The following RSAD1 variants were observed in gnomAD, a reference collection of about 807,000 sequenced individuals.
RSAD1 encodes radical S-adenosyl methionine domain containing 1.
RSAD1 carries 34 observed loss-of-function variants against 46.2 expected under a neutral mutation model. The ratio of observed to expected loss-of-function variants is 0.74; its 90% confidence interval spans 0.56 to 0.98. RSAD1 has a LOEUF of 0.98. RSAD1 is among the 50% of genes least tolerant of loss of function. The pLI is 0.00. For missense variants in RSAD1, 635 were observed against 592.3 expected (o/e 1.07, Z -0.75); for synonymous variants, 260 against 253.5 (o/e 1.03, Z -0.24).
In RSAD1 at chr17:50,478,875, G is replaced by T; in HGVS notation, c.-10G>T. ...TGCTCGGGTCAGTGCGCCGCGCTGCGCTGGGCGCCATGGCGCTCCCCGGAG... is the reference window on the plus strand; with the variant it reads ...TGCTCGGGTCAGTGCGCCGCGCTGCTCTGGGCGCCATGGCGCTCCCCGGAG... On this transcript the variant is annotated 5_prime_UTR_variant, in exon 1 of 9. Transcript: ENST00000258955. 1 of 1,293,014 alleles carries T rather than the reference G, an allele frequency of 7.7e-7. No homozygotes were observed. Among genetic ancestry groups the T allele is most frequent in the Admixed American group, 4.2e-5 (1 of 23,702 alleles). The allele number at this position is 1,293,014 out of a possible 1,614,324, so 80.1% of individuals were successfully genotyped here. A position where few individuals can be genotyped will look rare whatever the true frequency, so the allele number is the denominator to read the frequency against.
intron 8 of RSAD1, 91 bp downstream of exon 8, chr17:50,484,636 C>A: frequency 6.6e-7 from 1 of 1,526,476 alleles, no homozygotes; most frequent in Non-Finnish European, 9.1e-7. Context: ...GTGAGAAAGA[C>A]TGACTGGTAA....
intron 1 of RSAD1, 44 bp from the exon 2 acceptor site, chr17:50,479,585 G>A (rs2143830778): frequency 8.7e-6 from 14 of 1,611,078 alleles, no homozygotes; most frequent in South Asian, 1.1e-5. Flanking sequence ...CCCTGGAAGT[G>A]GCCAGGGCAG....
At chr17:50,479,052 G>A in intron 1 of RSAD1, 33 bp downstream of exon 1, 1 of 1,312,292 alleles carries the variant, frequency 7.6e-7, no homozygotes, top group Non-Finnish European at 9.7e-7. Flanking sequence ...CCCACGGTGT[G>A]TGGCCGCAGC....
chr17:50,484,415 C>G, intron 7 of RSAD1, 27 bp from the exon 8 acceptor site: 1 of 1,607,068 alleles, frequency 6.2e-7, no homozygotes, highest in Non-Finnish European at 8.5e-7. Flanking sequence ...GGCCAGCTCC[C>G]CACCTCTGAC....
rs199949386 is a variant in RSAD1 at position 50,479,015 on chromosome 17, T to A, written c.131T>A (p.Val44Glu). ...EPAGRRAALYVHWPYCEKRCS... is the reference protein window; with the variant it reads ...EPAGRRAALYEHWPYCEKRCS... ...GCGGGCCGGCGCGCGGCGCTTTACG[T>A]ACACGTGAGTAGGGGCGGGGGCGGA... Residue 44 changes from valine (V) to glutamate (E), a missense_variant, in exon 1 of 9, where the codon GTA (valine) becomes GAA (glutamate). Transcript: ENST00000258955. The A allele has an allele frequency of 8.1e-5, 110 of 1,355,532 alleles. No homozygotes were observed. The highest frequency in any genetic ancestry group is 4.7e-6 in the Non-Finnish European group (5 of 1,060,872). The allele number at this position is 1,355,532 out of a possible 1,614,324, so 84.0% of individuals were successfully genotyped here.
rs1337805265 is a variant in RSAD1 at position 50,479,914 on chromosome 17, A to G, written c.304A>G (p.Ser102Gly). ...ESVFFGGGTP[S>G]LASPHTVAAV... Reference sequence around the variant, plus strand: ...TGTGTTCTTTGGTGGGGGGACCCCCAGTCTAGCCAGTCCCCACACGGTGGC... The same window carrying G: ...TGTGTTCTTTGGTGGGGGGACCCCCGGTCTAGCCAGTCCCCACACGGTGGC... Residue 102 changes from serine to glycine, a missense_variant, in exon 3 of 9, where the codon AGT (serine) becomes GGT (glycine). Physicochemically the swap from Ser to Gly is moderately conservative, Grantham distance 56. Transcript: ENST00000258955. 6.2e-7 allele frequency: 1 copy of G among 1,614,042 alleles called. No individual in the cohort carries two copies. Among genetic ancestry groups the G allele is most frequent in the South Asian group, 1.1e-5 (1 of 91,090 alleles).
intron 1 of RSAD1, 98 bp downstream of exon 1, chr17:50,479,117 A>G: frequency 8.2e-7 from 1 of 1,218,092 alleles, no homozygotes; most frequent in South Asian, 3.1e-5. Context: ...CACTCTATGA[A>G]CCCGCCTGCC....
Position 50,482,674 on chromosome 17 carries a change from G to A in RSAD1, c.872G>A (p.Trp291Ter). 5 of 1,614,188 alleles carry A rather than the reference G, an allele frequency of 3.1e-6. No homozygotes were observed. The highest frequency in any genetic ancestry group is 4.2e-6 in the Non-Finnish European group (5 of 1,180,028). ...CTCAGTACCCACAATTGGACTTACT[G>A]GCAGTGTGGTCAGTACCTTGGCGTT... ...GALSTHNWTY[W>*]QCGQYLGVGP... The change falls in exon 5 of 9, where the codon TGG becomes TAG. Residue 291 changes from tryptophan to a stop codon, truncating the protein, a stop_gained. Transcript: ENST00000258955. LOFTEE classifies it high-confidence loss of function.
rs1272681017 is a variant in RSAD1, at chr17:50,484,426, C to T, written c.1108-16C>T. The T allele has an allele frequency of 1.9e-6, 3 of 1,611,760 alleles. No individual in the cohort carries two copies. Among genetic ancestry groups the T allele is most frequent in the Non-Finnish European group, 2.5e-6 (3 of 1,178,972 alleles). Reference sequence around the variant, plus strand: ...GCCAGGCCAGCTCCCCACCTCTGACCCTCTGGCTTCCCCAGCACTGGCAGC... The same window carrying T: ...GCCAGGCCAGCTCCCCACCTCTGACTCTCTGGCTTCCCCAGCACTGGCAGC... On this transcript the variant is annotated splice_polypyrimidine_tract_variant and intron_variant, in intron 7 of 8. Coordinates refer to ENST00000258955, the MANE Select transcript of RSAD1 (RefSeq NM_018346.3).
intron 5 of RSAD1, among the ~76,000 whole-genome samples, chr17:50,482,975 A>G (rs1016903735): frequency 1.3e-5 from 2 of 151,754 alleles, no homozygotes; most frequent in African/African-American, 2.4e-5. Flanking sequence ...AGAATTCCCA[A>G]TTGGACAGGG....
rs1598445753 is a variant in RSAD1, at chr17:50,485,200, G to A, written c.*339G>A. ...ACAGGCAATTACCTCCCCAAGAGAA[G>A]CCTTCCTTATTTTGGAGTAAGGTCC... On this transcript the variant is annotated 3_prime_UTR_variant, in exon 9 of 9. Transcript: ENST00000258955. The A allele has an allele frequency of 3.3e-6, 1 of 305,208 alleles. No individual in the cohort carries two copies. Among genetic ancestry groups the A allele is most frequent in the East Asian group, 6.0e-5 (1 of 16,670 alleles). The allele number at this position is 305,208 out of a possible 1,614,324, so 18.9% of individuals were successfully genotyped here. A position where few individuals can be genotyped will look rare whatever the true frequency, so the allele number is the denominator to read the frequency against.
Position 50,479,971 on chromosome 17 carries a change from C to T in RSAD1, c.361C>T (p.His121Tyr). The T allele has an allele frequency of 6.2e-7, 1 of 1,614,148 alleles. No individual in the cohort carries two copies. The highest frequency in any genetic ancestry group is 1.3e-5 in the African/African-American group (1 of 75,048). Residue 121 changes from histidine (H) to tyrosine (Y), a missense_variant, in exon 3 of 9, where the codon CAC (histidine) becomes TAC (tyrosine). Coordinates refer to ENST00000258955, the MANE Select transcript of RSAD1 (RefSeq NM_018346.3). ...AVLEAVAQAA[H>Y]LPADLEVTLE... is the part of the protein sequence containing the mutation. The stretch of plus-strand genomic sequence containing the variant: ...CCTGGAGGCTGTGGCACAGGCAGCC[C>T]ACCTGCCTGCAGACTTGGAAGTCAC...
In RSAD1 at chr17:50,482,208, C is replaced by T; in HGVS notation, c.592C>T (p.Leu198=). Residue 198 remains leucine (L), a synonymous_variant, in exon 4 of 9, where the codon CTG becomes TTG. Coordinates refer to ENST00000258955, the MANE Select transcript of RSAD1 (RefSeq NM_018346.3). ...FPGRVSVDLM[L]GLPAQQVGPW... ...CGGGCGCGTGTCTGTAGACTTGATG[C>T]TGGGGCTGCCGGCACAGCAGGTGGG... 2.6e-6 allele frequency: 4 copies of T among 1,568,198 alleles called. No homozygotes were observed. Among genetic ancestry groups the T allele is most frequent in the Non-Finnish European group, 2.6e-6 (3 of 1,153,406 alleles).
rs767889617 is a variant in RSAD1 at position 50,480,103 on chromosome 17, C to T, written c.474+19C>T. 2.5e-6 allele frequency: 4 copies of T among 1,611,642 alleles called. No individual in the cohort carries two copies. The highest frequency in any genetic ancestry group is 1.7e-5 in the Admixed American group (1 of 60,026). Reference sequence around the variant, plus strand: ...CCTCCAGGTAACCCATGGCACTCACCCCATCCCAGTGCACCCCGCCCTTCA... The same window carrying T: ...CCTCCAGGTAACCCATGGCACTCACTCCATCCCAGTGCACCCCGCCCTTCA... On this transcript the variant is annotated intron_variant, in intron 3 of 8. Transcript: ENST00000258955.
chr17:50,479,582 A>G, intron 1 of RSAD1, 47 bp from the exon 2 acceptor site: 1 of 1,610,468 alleles, frequency 6.2e-7, no homozygotes, highest in Admixed American at 1.7e-5. Context: ...GAACCCTGGA[A>G]GTGGCCAGGG....
At chr17:50,480,483 G>A (rs1301169216) in intron 3 of RSAD1, 1 of 209,958 alleles carries the variant, frequency 4.8e-6, no homozygotes, top group African/African-American at 2.3e-5. Flanking sequence ...TGAAATCACT[G>A]AAACTTCTCT....
At position 50,479,025 on chromosome 17, in the gene RSAD1, TA is replaced by T. The variant is rs1170185104; in HGVS notation, c.135+7del. ...GCGCGGCGCTTTACGTACACGTGAGTAGGGGCGGGGGCGGAGCCCACGGTGT... is the reference window on the plus strand; with the variant it reads ...GCGCGGCGCTTTACGTACACGTGAGTGGGGCGGGGGCGGAGCCCACGGTGT... On this transcript the variant is annotated splice_region_variant and intron_variant, in intron 1 of 8. Transcript: ENST00000258955. 5 of 1,340,218 alleles carry T rather than the reference TA, an allele frequency of 3.7e-6. No homozygotes were observed. The highest frequency in any genetic ancestry group is 3.1e-5 in the African/African-American group (2 of 65,422). 83.0% of individuals were successfully genotyped at this position (1,340,218 alleles called of 1,614,324 possible).
In RSAD1 at chr17:50,483,777, C is replaced by T; in HGVS notation, c.1107+17C>T. 4 of 1,601,792 alleles carry T rather than the reference C, an allele frequency of 2.5e-6. No homozygotes were observed. The South Asian group carries it at 4.5e-5, about 18-fold the overall frequency. ...ACTCACCAGGTAAGGAGTTAGGATTCTTGCACACCACTCCCTCCTAAAGTC... is the reference window on the plus strand; with the variant it reads ...ACTCACCAGGTAAGGAGTTAGGATTTTTGCACACCACTCCCTCCTAAAGTC... On this transcript the variant is annotated intron_variant, in intron 7 of 8. Coordinates refer to ENST00000258955, the MANE Select transcript of RSAD1 (RefSeq NM_018346.3).
chr17:50,479,522 G>T, intron 1 of RSAD1, 107 bp from the exon 2 acceptor site: 2 of 1,451,448 alleles, frequency 1.4e-6, no homozygotes, highest in Non-Finnish European at 9.4e-7. Context: ...TAGCTACTGT[G>T]GAAAGACCTC....
Sources: allele counts gnomAD v4.1 joint callset (sites outside exome capture counted in the v4.1 genomes callset), GRCh38; gene constraint gnomAD v4.1.1; transcripts MANE v1.5; gene names NCBI Gene and HGNC (gene_info 2026-07-23, HGNC 2026-07-21).